KIAA0825: variants seen among roughly 807,000 people sequenced by gnomAD.
The protein encoded by KIAA0825 is uncharacterized protein KIAA0825.
In KIAA0825, 119 loss-of-function variants were observed where a neutral mutation model predicts 147.6. The observed-to-expected ratio is 0.81, with a 90% CI of 0.69 to 0.94. The LOEUF is 0.94. Ranked by LOEUF, KIAA0825 falls within the 40% of genes least tolerant of loss-of-function variation. KIAA0825 has a pLI of 0.00. For missense variants in KIAA0825, 1,381 were observed against 1,472.7 expected, an observed-to-expected ratio of 0.94 and a Z score of 1.02; for synonymous variants, 470 against 518.1, an observed-to-expected ratio of 0.91 and a Z score of 1.26.
At chr5:94,575,564 G>T (rs1040879597) in intron 2 of KIAA0825, among the ~76,000 whole-genome samples, 2 of 152,178 alleles carry the variant, frequency 1.3e-5, no homozygotes, top group South Asian at 2.1e-4. Flanking sequence ...ATGTTAAGAG[G>T]CAAAAGGATG....
chr5:94,237,421 G>T (rs533938039), intron 20 of KIAA0825, among the ~76,000 whole-genome samples: 2 of 152,256 alleles, frequency 1.3e-5, no homozygotes, highest in East Asian at 3.9e-4. Context: ...AACTACAAAG[G>T]CTGCAATGAG....
rs544900639 is a variant in KIAA0825 at position 94,395,397 on chromosome 5, C to T, written c.3296+704G>A. On this transcript the variant is annotated intron_variant, in intron 17 of 20. Transcript: ENST00000682413. The stretch of plus-strand genomic sequence containing the variant: ...AAATGGGCTGACAGTGATCTGTAGA[C>T]CATGTGAGCTGGAATTCCTTTATCA... Among the ~76,000 whole-genome samples, 10 of 152,250 alleles carry T rather than the reference C, an allele frequency of 6.6e-5. No homozygotes were observed. The South Asian group carries it at 1.7e-3, about 25-fold the overall frequency.
chr5:94,529,363 ATATATGTATATATC>A (rs1288342508), intron 3 of KIAA0825, among the ~76,000 whole-genome samples: 146 of 136,740 alleles, frequency 1.1e-3, no homozygotes, highest in African/African-American at 4.0e-3. Flanking sequence ...TGTATATATC[ATATATGTATATATC>A]TCATATATGT....
chr5:94,205,485 G>A (rs911205207), intron 20 of KIAA0825, among the ~76,000 whole-genome samples: 1 of 151,454 alleles, frequency 6.6e-6, no homozygotes, highest in Non-Finnish European at 1.5e-5. Flanking sequence ...TAGAGATGGG[G>A]TTTCACCATG....
At chr5:94,516,737 C>T (rs1453087037) in intron 5 of KIAA0825, among the ~76,000 whole-genome samples, 6 of 142,932 alleles carry the variant, frequency 4.2e-5, no homozygotes, top group African/African-American at 1.3e-4. Context: ...TTGCAGTGAG[C>T]GGAGATCGCG....
chr5:94,363,505 G>A (rs752020972), intron 20 of KIAA0825, among the ~76,000 whole-genome samples: 23 of 152,190 alleles, frequency 1.5e-4, no homozygotes, highest in Non-Finnish European at 2.9e-4. Context: ...GGCAGAGCAA[G>A]AGGTTAGCAA....
intron 20 of KIAA0825, among the ~76,000 whole-genome samples, chr5:94,228,723 C>T (rs1774424708): frequency 6.6e-6 from 1 of 152,174 alleles, no homozygotes; most frequent in Admixed American, 6.5e-5. Flanking sequence ...CCACTGTCTG[C>T]CACAGTAACC....
At chr5:94,577,232 G>T (rs985339298) in intron 2 of KIAA0825, among the ~76,000 whole-genome samples, 1 of 152,058 alleles carries the variant, frequency 6.6e-6, no homozygotes. Flanking sequence ...ATCCAGAAGA[G>T]ATATTTTTAA....
chr5:94,195,739 T>A (rs1366812656), intron 20 of KIAA0825, among the ~76,000 whole-genome samples: 1 of 152,136 alleles, frequency 6.6e-6, no homozygotes, highest in East Asian at 1.9e-4. Context: ...ACATGTAATA[T>A]AAAGTTGTAT....
intron 4 of KIAA0825, among the ~76,000 whole-genome samples, chr5:94,522,298 T>C (rs541039169): frequency 6.6e-6 from 1 of 151,766 alleles, no homozygotes; most frequent in East Asian, 1.9e-4. Flanking sequence ...GTAGCTTCTT[T>C]CTCTCTCCTC....
At chr5:94,435,493 G>A (rs1008623534) in intron 14 of KIAA0825, among the ~76,000 whole-genome samples, 2 of 151,952 alleles carry the variant, frequency 1.3e-5, no homozygotes, top group African/African-American at 2.4e-5. Context: ...TGGTGTATAT[G>A]TACCACATTT....
chr5:94,326,367 A>T (rs1780693669), intron 20 of KIAA0825, among the ~76,000 whole-genome samples: 1 of 152,134 alleles, frequency 6.6e-6, no homozygotes, highest in Non-Finnish European at 1.5e-5. Flanking sequence ...GGAGTTACGA[A>T]AGTTTATAAG....
intron 20 of KIAA0825, among the ~76,000 whole-genome samples, chr5:94,176,916 C>T (rs993575318): frequency 2.0e-5 from 3 of 152,088 alleles, no homozygotes; most frequent in Non-Finnish European, 4.4e-5. Context: ...GGTTAGTTCT[C>T]TCAGTAAGTA....
At chr5:94,336,353 T>C (rs1336806627) in intron 20 of KIAA0825, among the ~76,000 whole-genome samples, 1 of 151,982 alleles carries the variant, frequency 6.6e-6, no homozygotes, top group African/African-American at 2.4e-5. Flanking sequence ...GGTGGTTTGC[T>C]GCACCCATCA....
chr5:94,240,739 G>A (rs1775302069), intron 20 of KIAA0825, among the ~76,000 whole-genome samples: 1 of 152,182 alleles, frequency 6.6e-6, no homozygotes, highest in African/African-American at 2.4e-5. Flanking sequence ...TCAAAAATGG[G>A]ATCTCTGGCT....
intron 20 of KIAA0825, among the ~76,000 whole-genome samples, chr5:94,331,580 T>C (rs1234503595): frequency 6.6e-6 from 1 of 152,092 alleles, no homozygotes; most frequent in Non-Finnish European, 1.5e-5. Context: ...TTTGCCTGAG[T>C]ATTAAAACCA....
At chr5:94,259,516 T>C (rs1163775303) in intron 20 of KIAA0825, among the ~76,000 whole-genome samples, 1 of 152,040 alleles carries the variant, frequency 6.6e-6, no homozygotes, top group Non-Finnish European at 1.5e-5. Flanking sequence ...TTAACATGCT[T>C]GCCTGTGCTC....
intron 20 of KIAA0825, among the ~76,000 whole-genome samples, chr5:94,377,322 G>A (rs920692780): frequency 7.2e-5 from 11 of 152,180 alleles, no homozygotes; most frequent in Admixed American, 4.6e-4. Flanking sequence ...ACAGCACTGC[G>A]CTGTATTCAC....
At chr5:94,374,531 A>G (rs1747240368) in intron 20 of KIAA0825, among the ~76,000 whole-genome samples, 1 of 152,200 alleles carries the variant, frequency 6.6e-6, no homozygotes, top group Non-Finnish European at 1.5e-5. Context: ...CCCAGCTGTC[A>G]TTCCTCTGTA....
Sources: allele counts gnomAD v4.1 joint callset (sites outside exome capture counted in the v4.1 genomes callset), GRCh38; gene constraint gnomAD v4.1.1; transcripts MANE v1.5; gene names NCBI Gene and HGNC (gene_info 2026-07-23, HGNC 2026-07-21).